Variants in FGF12 observed in about 807,000 individuals in gnomAD.
FGF12 encodes the protein fibroblast growth factor 12.
A neutral mutation model predicts 23.6 loss-of-function variants in FGF12; 14 were observed. The ratio of observed to expected loss-of-function variants is 0.59; its 90% CI spans 0.39 to 0.93. The LOEUF is 0.93. Ranked by LOEUF, FGF12 falls within the 40% of genes least tolerant of loss-of-function variation. The pLI, the probability that FGF12 is intolerant of heterozygous loss-of-function variation, is 0.00. For missense variants in FGF12, 175 were observed against 217.8 expected (o/e 0.80, Z 1.24); for synonymous variants, 62 against 77.3 (o/e 0.80, Z 1.04).
intron 2 of FGF12, among the ~76,000 whole-genome samples, chr3:192,391,658 T>C (rs758077769): frequency 8.5e-5 from 13 of 152,248 alleles, no homozygotes; most frequent in Non-Finnish European, 1.8e-4. Context: ...AAATCTCCTA[T>C]ATGAAATACA....
intron 4 of FGF12, among the ~76,000 whole-genome samples, chr3:192,301,232 G>A (rs554327141): frequency 3.2e-4 from 49 of 152,112 alleles, no homozygotes; most frequent in Non-Finnish European, 8.8e-5. Context: ...GAAGATAAAC[G>A]AATCACCGGG....
At chr3:192,675,034 G>A (rs1010191886) in intron 2 of FGF12, among the ~76,000 whole-genome samples, 1 of 152,154 alleles carries the variant, frequency 6.6e-6, no homozygotes, top group Non-Finnish European at 1.5e-5. Flanking sequence ...AATAGACTGG[G>A]CTTCAGTACT....
chr3:192,407,981 A>G, intron 2 of FGF12: 6 of 1,536,738 alleles, frequency 3.9e-6, no homozygotes, highest in Non-Finnish European at 5.2e-6. Context: ...AGGGAGAAAG[A>G]GGGCGTCCCC....
intron 4 of FGF12, among the ~76,000 whole-genome samples, chr3:192,292,877 A>G (rs1199036531): frequency 6.6e-6 from 1 of 152,134 alleles, no homozygotes; most frequent in Non-Finnish European, 1.5e-5. Context: ...CCTGAGCTCA[A>G]ACGATCCTCC....
chr3:192,464,508 GT>G (rs1722953929), intron 2 of FGF12, among the ~76,000 whole-genome samples: 1 of 132,534 alleles, frequency 7.5e-6, no homozygotes, highest in African/African-American at 3.2e-5. Context: ...TGGTGTGTGT[GT>G]GTGTGTGTGT....
At chr3:192,249,948 G>A (rs566572899) in intron 4 of FGF12, among the ~76,000 whole-genome samples, 7 of 152,244 alleles carry the variant, frequency 4.6e-5, no homozygotes, top group East Asian at 1.9e-4. Context: ...AAAAAGCAAC[G>A]ATTGAGAAAG....
intron 2 of FGF12, among the ~76,000 whole-genome samples, chr3:192,724,694 A>G (rs1299197333): frequency 6.6e-6 from 1 of 152,208 alleles, no homozygotes; most frequent in Non-Finnish European, 1.5e-5. Flanking sequence ...TTTACCCTGT[A>G]TGACAGGGAG....
At chr3:192,173,096 G>A (rs1461958833) in intron 4 of FGF12, among the ~76,000 whole-genome samples, 1 of 150,856 alleles carries the variant, frequency 6.6e-6, no homozygotes, top group Non-Finnish European at 1.5e-5. Flanking sequence ...CAAATCCGGA[G>A]ATAGTAAGTA....
chr3:192,546,685 C>A, intron 2 of FGF12, among the ~76,000 whole-genome samples: 1 of 144,314 alleles, frequency 6.9e-6, no homozygotes, highest in East Asian at 2.1e-4. Flanking sequence ...ATAGTCTCTA[C>A]TCAATAGACT....
At chr3:192,522,869 A>G (rs945032796) in intron 2 of FGF12, among the ~76,000 whole-genome samples, 3 of 152,228 alleles carry the variant, frequency 2.0e-5, no homozygotes, top group Non-Finnish European at 4.4e-5. Flanking sequence ...GAATGTGCAT[A>G]CGTTCACGTT....
intron 2 of FGF12, among the ~76,000 whole-genome samples, chr3:192,577,043 C>A (rs917703605): frequency 3.3e-5 from 5 of 151,954 alleles, no homozygotes; most frequent in East Asian, 1.9e-4. Context: ...CATCACACAC[C>A]AGGGCCTGTC....
chr3:192,722,900 C>T (rs1165383299), intron 2 of FGF12, among the ~76,000 whole-genome samples: 1 of 152,096 alleles, frequency 6.6e-6, no homozygotes, highest in Admixed American at 6.5e-5. Flanking sequence ...ACATTGGGTA[C>T]ATATCAGATG....
At chr3:192,505,933 T>C (rs992915579) in intron 2 of FGF12, among the ~76,000 whole-genome samples, 2 of 152,198 alleles carry the variant, frequency 1.3e-5, no homozygotes, top group Non-Finnish European at 2.9e-5. Flanking sequence ...GGGTGGCTAA[T>C]ATAGGAGGAG....
At chr3:192,545,075 A>T (rs947996665) in intron 2 of FGF12, among the ~76,000 whole-genome samples, 1 of 152,164 alleles carries the variant, frequency 6.6e-6, no homozygotes, top group South Asian at 2.1e-4. Context: ...GTCCAAGGGA[A>T]GCGAGCCCCA....
At chr3:192,600,320 A>C (rs556979797) in intron 2 of FGF12, among the ~76,000 whole-genome samples, 28 of 152,090 alleles carry the variant, frequency 1.8e-4, no homozygotes, top group Non-Finnish European at 2.5e-4. Flanking sequence ...GAAGTCTGGT[A>C]GTGTGATGCC....
chr3:192,386,556 C>T (rs1720047755), intron 2 of FGF12, among the ~76,000 whole-genome samples: 1 of 152,150 alleles, frequency 6.6e-6, no homozygotes, highest in African/African-American at 2.4e-5. Flanking sequence ...ATTTAAAGTT[C>T]TGTCTCCCAG....
chr3:192,562,618 T>A (rs1247084952), intron 2 of FGF12, among the ~76,000 whole-genome samples: 1 of 152,216 alleles, frequency 6.6e-6, no homozygotes, highest in African/African-American at 2.4e-5. Context: ...TGAATTTATA[T>A]TATCTTCAAT....
intron 5 of FGF12, among the ~76,000 whole-genome samples, chr3:192,158,314 C>CTCTTTCTT (rs149884882): frequency 8.3e-6 from 1 of 120,674 alleles, no homozygotes. Flanking sequence ...TTTCCCTTTT[C>CTCTTTCTT]TCTTTCTTTC....
intron 2 of FGF12, among the ~76,000 whole-genome samples, chr3:192,547,532 T>A (rs1179198038): frequency 6.6e-6 from 1 of 152,152 alleles, no homozygotes; most frequent in Admixed American, 6.5e-5. Context: ...TTATAACAGG[T>A]TATTATCTTT....
Sources: allele counts gnomAD v4.1 joint callset (sites outside exome capture counted in the v4.1 genomes callset), GRCh38; gene constraint gnomAD v4.1.1; transcripts MANE v1.5; gene names NCBI Gene and HGNC (gene_info 2026-07-23, HGNC 2026-07-21).